Variants in MARK1 observed in about 807,000 individuals in gnomAD.
MARK1 encodes serine/threonine-protein kinase MARK1.
Under a neutral mutation model 96.3 loss-of-function variants are expected in MARK1, and 40 were observed. The observed-to-expected ratio is 0.42, with a 90% CI of 0.32 to 0.54. The LOEUF (loss-of-function observed/expected upper bound fraction) is 0.54, where lower values mean the gene tolerates loss of function less well. Ranked by LOEUF, MARK1 falls within the 20% of genes least tolerant of loss-of-function variation. The probability of loss-of-function intolerance (pLI) is 0.16; values close to 1 mark genes in which losing one functional copy is unlikely to be tolerated. For missense variants in MARK1, 719 were observed against 984.6 expected (o/e 0.73, Z 3.61); for synonymous variants, 317 against 341.2 (o/e 0.93, Z 0.78).
At chr1:220,564,910 A>G (rs1054163390) in intron 1 of MARK1, among the ~76,000 whole-genome samples, 6 of 152,100 alleles carry the variant, frequency 3.9e-5, no homozygotes, top group Non-Finnish European at 8.8e-5. Context: ...GAAGTATCCA[A>G]TATAATTTCC....
At chr1:220,610,820 C>T (rs1271278256) in intron 6 of MARK1, among the ~76,000 whole-genome samples, 1 of 152,192 alleles carries the variant, frequency 6.6e-6, no homozygotes, top group Non-Finnish European at 1.5e-5. Flanking sequence ...TCCTCAGCTG[C>T]AGGTCTGTTG....
Position 220,618,752 on chromosome 1 carries a change from G to A in MARK1, c.906G>A (p.Leu302=). The change falls in exon 9 of 18, where the codon TTG becomes TTA. Residue 302 remains leucine, a synonymous_variant. Transcript: ENST00000366917. This position sits in a 1 kb window ranked among gnomAD's most constrained non-coding sequence, Gnocchi z 4.6. ...TGAATCCAATAAAGAGAGGCAGCTT[G>A]GAAGTAAGTAAATTTTTGTACTCCA... ...LVLNPIKRGS[L]EQIMKDRWMN... The A allele has an allele frequency of 6.4e-7, 1 of 1,572,884 alleles. No individual in the cohort carries two copies. The highest frequency in any genetic ancestry group is 2.1e-5 in the Admixed American group (1 of 48,538).
At chr1:220,626,598 A>G (rs370178181) in intron 9 of MARK1, 1 of 381,148 alleles carries the variant, frequency 2.6e-6, no homozygotes. Flanking sequence ...CAGGCAGGAG[A>G]ATCACTTGAG....
At chr1:220,558,204 G>A (rs1466274534) in intron 1 of MARK1, among the ~76,000 whole-genome samples, 1 of 149,390 alleles carries the variant, frequency 6.7e-6, no homozygotes, top group Admixed American at 6.7e-5. Context: ...GGAAACATTG[G>A]AGCTAAAAAT....
chr1:220,583,814 A>ATTTTTTTTTTT (rs34848222), intron 3 of MARK1, among the ~76,000 whole-genome samples: 347 of 105,248 alleles, frequency 3.3e-3, no homozygotes, highest in East Asian at 4.8e-3. Flanking sequence ...TGCCTGGCTA[A>ATTTTTTTTTTT]TTTTTTTTTT....
chr1:220,652,953 A>T, intron 15 of MARK1, 148 bp from the exon 16 acceptor site: 2 of 810,884 alleles, frequency 2.5e-6, no homozygotes, highest in Non-Finnish European at 3.8e-6. Context: ...CTGAAATTTT[A>T]CTCCAAACCC....
At chr1:220,531,849 C>T (rs1401423361) in intron 1 of MARK1, among the ~76,000 whole-genome samples, 1 of 151,956 alleles carries the variant, frequency 6.6e-6, no homozygotes, top group African/African-American at 2.4e-5. Context: ...AGAATCTATG[C>T]AAAATGTGTT....
At chr1:220,585,505 G>A (rs1030182469) in intron 3 of MARK1, among the ~76,000 whole-genome samples, 7 of 152,112 alleles carry the variant, frequency 4.6e-5, no homozygotes, top group African/African-American at 1.7e-4. Flanking sequence ...TCTAAACCTT[G>A]TTAGCCCTCT....
At chr1:220,631,182 A>G (rs1193363823) in intron 10 of MARK1, 48 bp downstream of exon 10, 2 of 1,303,548 alleles carry the variant, frequency 1.5e-6, no homozygotes, top group African/African-American at 1.5e-5. Flanking sequence ...GCAACAAGTA[A>G]GAGTCCTTTA....
chr1:220,636,604 C>A (rs1347387959), intron 13 of MARK1, among the ~76,000 whole-genome samples: 15 of 151,488 alleles, frequency 9.9e-5, no homozygotes, highest in Non-Finnish European at 1.5e-4. Flanking sequence ...GAAATAATAA[C>A]AAAAAATAAA....
intron 3 of MARK1, among the ~76,000 whole-genome samples, chr1:220,595,664 T>C (rs772649874): frequency 5.3e-5 from 8 of 152,092 alleles, no homozygotes; most frequent in Non-Finnish European, 1.0e-4. Flanking sequence ...TCTAATAGCA[T>C]TGAGAAACCA....
chr1:220,580,358 A>G (rs964247411), intron 2 of MARK1, among the ~76,000 whole-genome samples: 1 of 151,922 alleles, frequency 6.6e-6, no homozygotes, highest in African/African-American at 2.4e-5. Flanking sequence ...GTGGTGTGCA[A>G]CTGTAGCTAC....
At chr1:220,532,696 T>TA (rs1660396766) in intron 1 of MARK1, among the ~76,000 whole-genome samples, 1 of 152,164 alleles carries the variant, frequency 6.6e-6, no homozygotes, top group Admixed American at 6.5e-5. Flanking sequence ...GTTTTTTTGT[T>TA]TTCTTTTGTT....
At chr1:220,549,380 A>T (rs1022005505) in intron 1 of MARK1, among the ~76,000 whole-genome samples, 6 of 152,214 alleles carry the variant, frequency 3.9e-5, no homozygotes, top group Non-Finnish European at 8.8e-5. Context: ...CTAGCTGCTG[A>T]TGCTGCTGTT....
intron 3 of MARK1, among the ~76,000 whole-genome samples, chr1:220,587,998 T>C (rs1422788237): frequency 2.6e-5 from 4 of 152,200 alleles, no homozygotes; most frequent in Admixed American, 6.5e-5. Flanking sequence ...CGATTTTTAC[T>C]TAAGCCAACA....
intron 6 of MARK1, among the ~76,000 whole-genome samples, chr1:220,614,226 C>A (rs1207849921): frequency 4.6e-5 from 7 of 152,046 alleles, no homozygotes; most frequent in African/African-American, 1.7e-4. Flanking sequence ...AAGGCCTGGT[C>A]TTGAACTTCT....
chr1:220,566,817 ATCT>A lies in MARK1; in HGVS notation c.52-12533_52-12531del, dbSNP rs201524694. Among the ~76,000 whole-genome samples the A allele has an allele frequency of 2.9e-4, 44 of 151,492 alleles. 1 individual carries two copies. The highest frequency in any genetic ancestry group is 9.4e-4 in the African/African-American group (39 of 41,460). ...CCATCATTTACTCAACACTGACAACATCTTCTGTGTTGAATGCTTTTTTAGACA... is the reference window on the plus strand; with the variant it reads ...CCATCATTTACTCAACACTGACAACATCTGTGTTGAATGCTTTTTTAGACA... On this transcript the variant is annotated intron_variant, in intron 1 of 17. Coordinates refer to ENST00000366917, the MANE Select transcript of MARK1 (RefSeq NM_018650.5).
chr1:220,585,984 TACACACACAC>T (rs1553322886), intron 3 of MARK1, among the ~76,000 whole-genome samples: 2,041 of 52,878 alleles, frequency 0.039, 42 homozygotes, highest in African/African-American at 0.083. Context: ...TACATACGTA[TACACACACAC>T]ACACACACAC....
chr1:220,659,354 A>T (rs1227641735), intron 17 of MARK1, among the ~76,000 whole-genome samples: 1 of 152,090 alleles, frequency 6.6e-6, no homozygotes, highest in Non-Finnish European at 1.5e-5. Flanking sequence ...TTTCAGGGAG[A>T]TGAGGTGATA....
Sources: allele counts gnomAD v4.1 joint callset (sites outside exome capture counted in the v4.1 genomes callset), GRCh38; gene constraint gnomAD v4.1.1; non-coding constraint Gnocchi (gnomAD v3.1); transcripts MANE v1.5; gene names NCBI Gene and HGNC (gene_info 2026-07-23, HGNC 2026-07-21).